MTERF4: variants seen among roughly 807,000 people sequenced by gnomAD.
MTERF4 encodes mitochondrial transcription termination factor 4.
In MTERF4, 17 loss-of-function variants were observed where a neutral mutation model predicts 22.5. That is an observed-to-expected ratio of 0.75 (90% confidence interval 0.52 to 1.13). The LOEUF is 1.13. Among genes scored for constraint, MTERF4 ranks in the 50% most tolerant of loss-of-function variants. The pLI is 0.00. For synonymous variants in MTERF4, 165 were observed against 175.3 expected, an observed-to-expected ratio of 0.94 and a Z score of 0.47; for missense variants, 420 against 466.8, an observed-to-expected ratio of 0.90 and a Z score of 0.92.
chr2:241,058,267 A>G, the MTERF4 span, among the ~76,000 whole-genome samples: 1 of 152,204 alleles, frequency 6.6e-6, no homozygotes, highest in African/African-American at 2.4e-5. Flanking sequence ...TCAAGCATCT[A>G]ATACAATAAT....
chr2:241,080,251 T>C (rs2063268116), intron 4 of MTERF4, among the ~76,000 whole-genome samples: 2 of 152,194 alleles, frequency 1.3e-5, no homozygotes, highest in African/African-American at 4.8e-5. Flanking sequence ...GACACTGCAC[T>C]CCAGCCTGGG....
At chr2:241,059,973 T>A in the MTERF4 span, among the ~76,000 whole-genome samples, 1 of 152,284 alleles carries the variant, frequency 6.6e-6, no homozygotes, top group East Asian at 1.9e-4. Flanking sequence ...CATGATTGTA[T>A]GCATAGAAAA....
chr2:241,089,395 G>T, downstream of MTERF4: 1 of 1,550,486 alleles, frequency 6.4e-7, no homozygotes, highest in Non-Finnish European at 8.7e-7. Flanking sequence ...ATGTCATTCA[G>T]GAACCTTTAA....
the MTERF4 span, among the ~76,000 whole-genome samples, chr2:241,050,686 G>T: frequency 6.6e-6 from 1 of 152,156 alleles, no homozygotes; most frequent in Non-Finnish European, 1.5e-5. Flanking sequence ...CAACTGCTTG[G>T]TTCTTTGCAA....
chr2:241,101,620 AGGAACACCT>A (rs757647627), intron 1 of MTERF4, among the ~76,000 whole-genome samples: 39 of 152,270 alleles, frequency 2.6e-4, no homozygotes, highest in South Asian at 8.3e-4. Context: ...TCCCTCCGCC[AGGAACACCT>A]GGCAGTCGCT....
intron 4 of MTERF4, among the ~76,000 whole-genome samples, chr2:241,078,965 T>C (rs2125288857): frequency 6.7e-6 from 1 of 150,308 alleles, no homozygotes; most frequent in Middle Eastern, 3.4e-3. Flanking sequence ...AATACAAAAA[T>C]TAGCCAGGCA....
chr2:241,099,942 G>T, intron 1 of MTERF4, 48 bp from the exon 2 acceptor site: 1 of 1,582,558 alleles, frequency 6.3e-7, no homozygotes, highest in South Asian at 1.1e-5. Context: ...CTATTCCAGT[G>T]TAATGGACAC....
At chr2:241,047,816 C>T in the MTERF4 span, among the ~76,000 whole-genome samples, 1 of 151,076 alleles carries the variant, frequency 6.6e-6, no homozygotes, top group Non-Finnish European at 1.5e-5. Flanking sequence ...CTGTCCATTC[C>T]CAGGTGGTTT....
intron 4 of MTERF4, among the ~76,000 whole-genome samples, chr2:241,076,398 T>C (rs2063021880): frequency 6.6e-6 from 1 of 152,238 alleles, no homozygotes; most frequent in East Asian, 1.9e-4. Flanking sequence ...GATACTAGTA[T>C]ATACTTTAAA....
At chr2:241,064,283 G>A in the MTERF4 span, among the ~76,000 whole-genome samples, 2 of 151,446 alleles carry the variant, frequency 1.3e-5, no homozygotes, top group Non-Finnish European at 2.9e-5. This position sits in a 1 kb window ranked among gnomAD's most constrained non-coding sequence, Gnocchi z 7.0. Flanking sequence ...TCAGGCCAGT[G>A]GCCCTCCGCC....
chr2:241,083,881 T>C (rs1575124122), downstream of MTERF4, among the ~76,000 whole-genome samples: 2 of 146,214 alleles, frequency 1.4e-5, no homozygotes, highest in Admixed American at 6.9e-5. Context: ...GCTGATGTGG[T>C]TGGATTTAAA....
At chr2:241,052,186 C>T in the MTERF4 span, 568 of 1,581,802 alleles carry the variant, frequency 3.6e-4, 6 homozygotes, top group East Asian at 1.3e-3. Context: ...CAGGCCAGGG[C>T]GGCCAGGGGT....
downstream of MTERF4, chr2:241,071,783 A>G: frequency 4.4e-6 from 6 of 1,359,344 alleles, no homozygotes; most frequent in South Asian, 1.2e-5. Flanking sequence ...TGACCCTCCC[A>G]CCCTCTCTGC....
chr2:241,071,338 C>T (rs924317522), downstream of MTERF4: 8 of 592,112 alleles, frequency 1.4e-5, no homozygotes, highest in East Asian at 8.4e-5. Context: ...GGCCAGTGCA[C>T]GCCTGTGTCA....
At chr2:241,077,721 C>T (rs1173867242) in intron 4 of MTERF4, among the ~76,000 whole-genome samples, 1 of 152,176 alleles carries the variant, frequency 6.6e-6, no homozygotes, top group Non-Finnish European at 1.5e-5. Context: ...GGAAGATATG[C>T]AAATGGCCAG....
At chr2:241,069,690 G>A (rs555002207), downstream of MTERF4, among the ~76,000 whole-genome samples, 6 of 152,228 alleles carry the variant, frequency 3.9e-5, no homozygotes, top group African/African-American at 9.6e-5. This position sits in a 1 kb window ranked among gnomAD's most constrained non-coding sequence, Gnocchi z 4.9. Flanking sequence ...TTCACAGGGT[G>A]GATCCTAACC....
chr2:241,048,847 C>G, the MTERF4 span: 2 of 1,304,620 alleles, frequency 1.5e-6, no homozygotes, highest in Admixed American at 2.0e-5. Flanking sequence ...CGGCCGGGGT[C>G]CGTAGGTCCA....
downstream of MTERF4, chr2:241,069,881 G>C: frequency 6.3e-7 from 1 of 1,594,652 alleles, no homozygotes; most frequent in African/African-American, 1.3e-5. This position sits in a 1 kb window ranked among gnomAD's most constrained non-coding sequence, Gnocchi z 4.9. Flanking sequence ...AAGACCCTGT[G>C]GGCACCCCCT....
intron 4 of MTERF4, among the ~76,000 whole-genome samples, chr2:241,076,387 T>G (rs1371701823): frequency 2.6e-5 from 4 of 152,230 alleles, no homozygotes; most frequent in African/African-American, 9.6e-5. Context: ...TTATATAGTT[T>G]GATACTAGTA....
Sources: allele counts gnomAD v4.1 joint callset (sites outside exome capture counted in the v4.1 genomes callset), GRCh38; gene constraint gnomAD v4.1.1; non-coding constraint Gnocchi (gnomAD v3.1); transcripts MANE v1.5; gene names NCBI Gene and HGNC (gene_info 2026-07-23, HGNC 2026-07-21).